KIF6: variants seen among roughly 807,000 people sequenced by gnomAD.
KIF6 encodes the protein kinesin family member 6, also known as kinesin-like protein KIF6.
A neutral mutation model predicts 112.7 loss-of-function variants in KIF6; 106 were observed. The ratio of observed to expected loss-of-function variants is 0.94; its 90% CI spans 0.80 to 1.11. The LOEUF (loss-of-function observed/expected upper bound fraction) is 1.11. Ranked by LOEUF, KIF6 falls within the 50% of genes least tolerant of loss-of-function variation. The pLI is 0.00. For missense variants in KIF6, 929 were observed against 964.0 expected (o/e 0.96, Z 0.48); for synonymous variants, 339 against 339.9 (o/e 1.00, Z 0.03).
In KIF6 at chr6:39,521,407, A is replaced by G. The variant is rs139889685; in HGVS notation, c.1645+18596T>C. On this transcript the variant is annotated intron_variant, in intron 13 of 22. Coordinates refer to ENST00000287152, the MANE Select transcript of KIF6 (RefSeq NM_145027.6). ...TTAGAATTTAGGAGATACAACACCAATTTTATAAACATCCAACTTAGGAAT... is the reference window on the plus strand; with the variant it reads ...TTAGAATTTAGGAGATACAACACCAGTTTTATAAACATCCAACTTAGGAAT... Among the ~76,000 whole-genome samples the G allele has an allele frequency of 3.8e-4, 58 of 152,236 alleles. No homozygotes were observed. The East Asian group carries it at 0.011, about 28-fold the overall frequency.
chr6:39,570,333 G>C lies in KIF6; in HGVS notation c.1181+7723C>G, dbSNP rs143335981. ...CTGGGGAAAAATGGAGAGGAATTCAGTTTGGGGCATGTTGAGTTCAGGGCC... is the reference window on the plus strand; with the variant it reads ...CTGGGGAAAAATGGAGAGGAATTCACTTTGGGGCATGTTGAGTTCAGGGCC... On this transcript the variant is annotated intron_variant, in intron 10 of 22. Coordinates refer to ENST00000287152, the MANE Select transcript of KIF6 (RefSeq NM_145027.6). Among the ~76,000 whole-genome samples the C allele has an allele frequency of 1.2e-4, 18 of 152,278 alleles. No homozygotes were observed. The East Asian group carries it at 3.3e-3, about 28-fold the overall frequency.
At chr6:39,598,270 A>G (rs1782385667) in intron 6 of KIF6, among the ~76,000 whole-genome samples, 2 of 152,156 alleles carry the variant, frequency 1.3e-5, no homozygotes, top group Admixed American at 6.6e-5. Context: ...ATGACTAGGT[A>G]ACTCATAAGG....
chr6:39,626,844 C>T (rs1222387810), intron 5 of KIF6, among the ~76,000 whole-genome samples: 1 of 152,132 alleles, frequency 6.6e-6, no homozygotes, highest in African/African-American at 2.4e-5. Context: ...GTGATTCTTA[C>T]ACTTAGTTAA....
intron 13 of KIF6, among the ~76,000 whole-genome samples, chr6:39,535,934 G>C (rs1196848549): frequency 6.6e-6 from 1 of 152,124 alleles, no homozygotes; most frequent in Non-Finnish European, 1.5e-5. Flanking sequence ...CAACTACATG[G>C]AAACTGAACA....
At chr6:39,555,924 A>G (rs1779681836) in intron 10 of KIF6, among the ~76,000 whole-genome samples, 1 of 141,670 alleles carries the variant, frequency 7.1e-6, no homozygotes, top group African/African-American at 2.8e-5. Context: ...ACTGCACTCC[A>G]GCCTGGGCGA....
At chr6:39,565,503 C>T (rs568589832) in intron 10 of KIF6, among the ~76,000 whole-genome samples, 15 of 152,310 alleles carry the variant, frequency 9.8e-5, no homozygotes, top group Non-Finnish European at 1.6e-4. Context: ...CTCAATACCT[C>T]CTCTTCCAAG....
intron 13 of KIF6, among the ~76,000 whole-genome samples, chr6:39,442,975 G>A (rs940398000): frequency 5.3e-5 from 8 of 151,780 alleles, no homozygotes; most frequent in Admixed American, 1.3e-4. Context: ...TTAGCCGGGC[G>A]TGGTGGCGGG....
At chr6:39,375,899 G>C (rs1766400556) in intron 16 of KIF6, among the ~76,000 whole-genome samples, 1 of 152,234 alleles carries the variant, frequency 6.6e-6, no homozygotes, top group Admixed American at 6.5e-5. Context: ...CACCAGGGCT[G>C]ACATAGAGTC....
At chr6:39,504,876 C>T (rs1289307586) in intron 13 of KIF6, among the ~76,000 whole-genome samples, 12 of 152,182 alleles carry the variant, frequency 7.9e-5, no homozygotes, top group Non-Finnish European at 4.4e-5. Context: ...AAAAACATTC[C>T]ATGCTCACAG....
At chr6:39,563,502 T>C (rs1780120405) in intron 10 of KIF6, among the ~76,000 whole-genome samples, 1 of 152,216 alleles carries the variant, frequency 6.6e-6, no homozygotes, top group African/African-American at 2.4e-5. Flanking sequence ...ATGTAGATAA[T>C]ATATGCATAT....
chr6:39,652,108 G>T (rs1785502837), intron 3 of KIF6, among the ~76,000 whole-genome samples: 1 of 152,016 alleles, frequency 6.6e-6, no homozygotes, highest in South Asian at 2.1e-4. Flanking sequence ...AGAGATATAG[G>T]GAAAATAGAA....
chr6:39,471,631 G>C (rs192507038), intron 13 of KIF6, among the ~76,000 whole-genome samples: 1 of 152,198 alleles, frequency 6.6e-6, no homozygotes, highest in Non-Finnish European at 1.5e-5. Context: ...GCTGGGGAGA[G>C]AGTGTTAAAA....
At chr6:39,668,113 A>T (rs578145820) in intron 3 of KIF6, among the ~76,000 whole-genome samples, 145 of 150,814 alleles carry the variant, frequency 9.6e-4, no homozygotes, top group African/African-American at 3.3e-3. Context: ...CACCAAAAGC[A>T]GATGCCGTCA....
chr6:39,602,014 A>G (rs992020533), intron 6 of KIF6, among the ~76,000 whole-genome samples: 1 of 152,104 alleles, frequency 6.6e-6, no homozygotes, highest in African/African-American at 2.4e-5. Flanking sequence ...ATTTCTCTTT[A>G]TATCCCCAAG....
At chr6:39,576,918 C>CAT (rs1476520984) in intron 10 of KIF6, among the ~76,000 whole-genome samples, 1 of 152,204 alleles carries the variant, frequency 6.6e-6, no homozygotes, top group Non-Finnish European at 1.5e-5. Flanking sequence ...TCTGAAGAGA[C>CAT]ATTTTCAAAG....
chr6:39,548,700 T>C (rs1037856378), intron 10 of KIF6, among the ~76,000 whole-genome samples: 1 of 152,222 alleles, frequency 6.6e-6, no homozygotes, highest in Non-Finnish European at 1.5e-5. Context: ...CATTTTCCTA[T>C]CTACCAAAAT....
At chr6:39,586,157 T>C in intron 8 of KIF6, 104 bp downstream of exon 8, 5 of 1,128,510 alleles carry the variant, frequency 4.4e-6, no homozygotes, top group South Asian at 4.2e-5. Context: ...TCTGAAGGCA[T>C]ACCCAGCTGA....
At position 39,576,107 on chromosome 6, in the gene KIF6, G is replaced by T. The variant is rs1466482342; in HGVS notation, c.1181+1949C>A. ...TCCTGAAAAACATACAGGATACACA[G>T]GAATTCGCAGAAACACTGGTACTGA... On this transcript the variant is annotated intron_variant, in intron 10 of 22. Coordinates refer to ENST00000287152, the MANE Select transcript of KIF6 (RefSeq NM_145027.6). Among the ~76,000 whole-genome samples, 5 of 152,052 alleles carry T rather than the reference G, an allele frequency of 3.3e-5. No individual in the cohort carries two copies. The East Asian group carries it at 9.6e-4, about 29-fold the overall frequency.
In KIF6 at chr6:39,720,910, CTT is replaced by C. The variant is rs1790180895; in HGVS notation, c.67-101_67-100del. 20 of 628,168 alleles carry C rather than the reference CTT, an allele frequency of 3.2e-5. 1 individual carries two copies. In the South Asian group the frequency reaches 3.4e-4, roughly 11 times the overall value. 38.9% of individuals were successfully genotyped at this position (628,168 alleles called of 1,614,324 possible). On this transcript the variant is annotated intron_variant, in intron 1 of 22. Coordinates refer to ENST00000287152, the MANE Select transcript of KIF6 (RefSeq NM_145027.6). The stretch of plus-strand genomic sequence containing the variant: ...CTTGTAATGATATGAAAATTATACT[CTT>C]AAGATTAAAAAGTCATAATATCATA...
Sources: gnomAD v4.1 joint callset for allele counts (sites outside exome capture counted in the v4.1 genomes callset) on GRCh38, gnomAD v4.1.1 for gene constraint, MANE v1.5 for transcripts, NCBI Gene and HGNC (gene_info 2026-07-23, HGNC 2026-07-21) for gene names.